The following DCC variants were observed in gnomAD, a reference collection of about 807,000 sequenced individuals.
The protein encoded by DCC is netrin receptor DCC.
A neutral mutation model predicts 172.5 loss-of-function variants in DCC; 58 were observed. The observed-to-expected ratio is 0.34, with a 90% CI of 0.27 to 0.42. DCC has a LOEUF of 0.42. Among genes scored for constraint, DCC ranks in the 10% least tolerant of loss-of-function variants. The probability of loss-of-function intolerance (pLI) is 1.00; values close to 1 mark genes in which losing one functional copy is unlikely to be tolerated. For synonymous variants in DCC, 709 were observed against 644.5 expected, an observed-to-expected ratio of 1.10 and a Z score of -1.52; for missense variants, 1,740 against 1,791.0, an observed-to-expected ratio of 0.97 and a Z score of 0.51.
intron 1 of DCC, among the ~76,000 whole-genome samples, chr18:52,562,758 A>G (rs1288080661): frequency 6.6e-6 from 1 of 152,144 alleles, no homozygotes; most frequent in African/African-American, 2.4e-5. Context: ...GAGCACATAA[A>G]AAGAACAATT....
chr18:52,379,394 T>G (rs1448004459), intron 1 of DCC, among the ~76,000 whole-genome samples: 2 of 152,164 alleles, frequency 1.3e-5, no homozygotes, highest in African/African-American at 4.8e-5. Flanking sequence ...TTAGTATGGT[T>G]ACTTAGCCTT....
At chr18:53,523,633 T>C (rs1242164390) in intron 27 of DCC, among the ~76,000 whole-genome samples, 2 of 152,132 alleles carry the variant, frequency 1.3e-5, no homozygotes, top group African/African-American at 4.8e-5. Flanking sequence ...CTGGAAACCA[T>C]CATTCTCAGC....
At chr18:53,300,607 G>T (rs528069706) in intron 12 of DCC, among the ~76,000 whole-genome samples, 1 of 152,090 alleles carries the variant, frequency 6.6e-6, no homozygotes, top group Non-Finnish European at 1.5e-5. Flanking sequence ...ATAAAACAAG[G>T]TTGGGTACCC....
At chr18:52,439,703 G>A (rs1209917852) in intron 1 of DCC, among the ~76,000 whole-genome samples, 1 of 152,154 alleles carries the variant, frequency 6.6e-6, no homozygotes, top group Non-Finnish European at 1.5e-5. Flanking sequence ...AGAGACATTT[G>A]TCATCTTTGT....
chr18:52,621,641 GA>G (rs2034482211), intron 1 of DCC, among the ~76,000 whole-genome samples: 2 of 152,168 alleles, frequency 1.3e-5, no homozygotes, highest in Non-Finnish European at 2.9e-5. Flanking sequence ...CTTAAAGGGA[GA>G]AAGGACACTC....
chr18:53,404,658 G>A (rs540525316), intron 19 of DCC, among the ~76,000 whole-genome samples: 17 of 151,938 alleles, frequency 1.1e-4, no homozygotes, highest in Non-Finnish European at 8.8e-5. Flanking sequence ...ATGAACCCAC[G>A]AGGCGGAGCT....
At chr18:52,678,499 A>G (rs559216930) in intron 1 of DCC, among the ~76,000 whole-genome samples, 5 of 152,316 alleles carry the variant, frequency 3.3e-5, no homozygotes, top group African/African-American at 9.6e-5. Flanking sequence ...CAATGAAAAG[A>G]GAACTCTAGC....
At chr18:53,131,952 G>GT (rs1568323077) in intron 7 of DCC, among the ~76,000 whole-genome samples, 16 of 68,828 alleles carry the variant, frequency 2.3e-4, no homozygotes, top group East Asian at 5.5e-4. Flanking sequence ...GTCTCTAAGT[G>GT]ATTTTTTTTT....
intron 28 of DCC, 143 bp from the exon 29 acceptor site, chr18:53,530,421 G>C (rs779179207): frequency 6.9e-6 from 5 of 723,550 alleles, no homozygotes; most frequent in Non-Finnish European, 1.3e-5. Flanking sequence ...CATTCAGTGA[G>C]TATATTCCAA....
At chr18:52,439,505 A>G (rs1337763396) in intron 1 of DCC, among the ~76,000 whole-genome samples, 1 of 152,102 alleles carries the variant, frequency 6.6e-6, no homozygotes, top group Non-Finnish European at 1.5e-5. Context: ...TTCCCTCATT[A>G]GTAACTCCAG....
intron 1 of DCC, among the ~76,000 whole-genome samples, chr18:52,429,438 C>T (rs957663387): frequency 4.6e-5 from 7 of 152,166 alleles, no homozygotes; most frequent in Middle Eastern, 3.4e-3. Flanking sequence ...GCACTCTTTA[C>T]GTTTGATGTT....
chr18:53,317,086 T>C (rs1233405821), intron 13 of DCC, among the ~76,000 whole-genome samples: 1 of 152,240 alleles, frequency 6.6e-6, no homozygotes, highest in Non-Finnish European at 1.5e-5. Flanking sequence ...GTGTCTGTCA[T>C]AAGTAGCTCA....
At chr18:52,891,317 T>G (rs945311356) in intron 2 of DCC, among the ~76,000 whole-genome samples, 4 of 152,198 alleles carry the variant, frequency 2.6e-5, no homozygotes, top group African/African-American at 9.6e-5. Context: ...ATAATTTGCT[T>G]CAGTAGCTTC....
intron 5 of DCC, among the ~76,000 whole-genome samples, chr18:52,974,887 G>C (rs1178697604): frequency 6.6e-6 from 1 of 152,282 alleles, no homozygotes; most frequent in Admixed American, 6.5e-5. Flanking sequence ...TGTGCTGTGA[G>C]TTAGGTCACA....
chr18:52,484,407 C>T (rs1343399733), intron 1 of DCC, among the ~76,000 whole-genome samples: 2 of 152,028 alleles, frequency 1.3e-5, no homozygotes, highest in Non-Finnish European at 2.9e-5. Flanking sequence ...AGCCCCAATC[C>T]CTACTTCAGG....
At chr18:52,842,005 C>CAT (rs59449894) in intron 2 of DCC, among the ~76,000 whole-genome samples, 95 of 149,886 alleles carry the variant, frequency 6.3e-4, no homozygotes, top group African/African-American at 1.6e-3. Flanking sequence ...AATTTTTGCG[C>CAT]ATATATATAT....
At chr18:52,601,330 G>A (rs1023343110) in intron 1 of DCC, among the ~76,000 whole-genome samples, 1 of 151,820 alleles carries the variant, frequency 6.6e-6, no homozygotes, top group African/African-American at 2.4e-5. Context: ...CTGGAATTTT[G>A]ACTCAACTTT....
At chr18:52,676,367 T>C (rs929912750) in intron 1 of DCC, among the ~76,000 whole-genome samples, 2 of 152,178 alleles carry the variant, frequency 1.3e-5, no homozygotes, top group African/African-American at 4.8e-5. Flanking sequence ...TCTACCACTA[T>C]TTTTAGGATA....
intron 11 of DCC, among the ~76,000 whole-genome samples, chr18:53,212,355 G>A (rs1468512498): frequency 6.6e-6 from 1 of 152,114 alleles, no homozygotes; most frequent in Non-Finnish European, 1.5e-5. Context: ...AGCGTCTTGG[G>A]AAGACAAATA....
Sources: allele counts gnomAD v4.1 joint callset (sites outside exome capture counted in the v4.1 genomes callset), GRCh38; gene constraint gnomAD v4.1.1; transcripts MANE v1.5; gene names NCBI Gene and HGNC (gene_info 2026-07-23, HGNC 2026-07-21).